CYP4F12: variants seen among roughly 807,000 people sequenced by gnomAD.
CYP4F12 encodes the protein cytochrome P450 family 4 subfamily F member 12, also known as cytochrome P450 4F12.
Under a neutral mutation model 56.5 loss-of-function variants are expected in CYP4F12, and 60 were observed. That is an observed-to-expected ratio of 1.06 (90% CI 0.86 to 1.32). The LOEUF (loss-of-function observed/expected upper bound fraction) is 1.32, where lower values mean the gene tolerates loss of function less well. Ranked by LOEUF, CYP4F12 falls within the 40% of genes most tolerant of loss-of-function variation. The pLI, the probability that CYP4F12 is intolerant of heterozygous loss-of-function variation, is 0.00. For synonymous variants in CYP4F12, 263 were observed against 264.9 expected, an observed-to-expected ratio of 0.99 and a Z score of 0.07; for missense variants, 711 against 683.5, an observed-to-expected ratio of 1.04 and a Z score of -0.45.
chr19:15,693,792 G>A (rs1299524460), intron 9 of CYP4F12, among the ~76,000 whole-genome samples: 2 of 148,278 alleles, frequency 1.3e-5, no homozygotes, highest in African/African-American at 5.1e-5. Context: ...GTAATGCCTC[G>A]GTTTTCTTCT....
chr19:15,676,353 CAACTCACTCATTCCTCTCCT>C (rs1172856271), intron 2 of CYP4F12, among the ~76,000 whole-genome samples: 2 of 79,210 alleles, frequency 2.5e-5, no homozygotes, highest in African/African-American at 8.6e-5. Context: ...ATTCTAATAC[CAACTCACTCATTCCTCTCCT>C]CACTCACTCA....
chr19:15,685,790 T>G (rs2007572642), intron 9 of CYP4F12, among the ~76,000 whole-genome samples: 1 of 152,234 alleles, frequency 6.6e-6, no homozygotes, highest in Non-Finnish European at 1.5e-5. Context: ...AATTATCATA[T>G]TTTTTTCAAA....
intron 12 of CYP4F12, 91 bp downstream of exon 12, chr19:15,696,603 C>T (rs1034183700): frequency 3.6e-6 from 5 of 1,404,976 alleles, no homozygotes; most frequent in Admixed American, 2.1e-5. Flanking sequence ...AGTTCCAGCT[C>T]TCCTTCCCTC....
At chr19:15,691,593 A>G (rs1381576607) in intron 9 of CYP4F12, among the ~76,000 whole-genome samples, 1 of 152,050 alleles carries the variant, frequency 6.6e-6, no homozygotes, top group Non-Finnish European at 1.5e-5. Flanking sequence ...TTGATAAGCC[A>G]TTTATTTTCT....
At chr19:15,680,139 A>C in intron 3 of CYP4F12, 105 bp from the exon 4 acceptor site, 1 of 1,445,124 alleles carries the variant, frequency 6.9e-7, no homozygotes, top group Non-Finnish European at 9.4e-7. Context: ...CCTTCCTGCT[A>C]TGCTGGGCAT....
At chr19:15,696,337 A>G (rs1305504245) in intron 11 of CYP4F12, 93 bp from the exon 12 acceptor site, 1 of 1,608,576 alleles carries the variant, frequency 6.2e-7, no homozygotes, top group African/African-American at 1.3e-5. Context: ...GGAAAATCCA[A>G]CATCACCTCA....
intron 5 of CYP4F12, 61 bp downstream of exon 5, chr19:15,680,580 T>A: frequency 1.2e-6 from 2 of 1,612,594 alleles, no homozygotes; most frequent in Non-Finnish European, 1.7e-6. Context: ...CATGGACACA[T>A]CTGGTCTGGA....
chr19:15,677,674 T>C (rs1040283950), intron 2 of CYP4F12, among the ~76,000 whole-genome samples: 4 of 1,620 alleles, frequency 2.5e-3, no homozygotes, highest in African/African-American at 5.0e-3. Flanking sequence ...ATTCCTCTCC[T>C]CACTCACTCA....
In CYP4F12 at chr19:15,683,655, C is replaced by A. The variant is rs375485034; in HGVS notation, c.810C>A (p.Val270=). 7.4e-6 allele frequency: 12 copies of A among 1,613,876 alleles called. No individual in the cohort carries two copies. Among genetic ancestry groups the A allele is most frequent in the Non-Finnish European group, 1.0e-5 (12 of 1,179,954 alleles). The change falls in exon 7 of 13, where the codon GTC becomes GTA. Residue 270 remains valine (V), a synonymous_variant. Coordinates refer to ENST00000550308, the MANE Select transcript of CYP4F12 (RefSeq NM_023944.4). ...CRLVHDFTDA[V]IRERRRTLPT... is the part of the protein sequence containing the mutation. Reference sequence around the variant, plus strand: ...TGGTGCATGACTTCACAGACGCTGTCATCCGGGAGCGGCGTCGCACCCTCC... The same window carrying A: ...TGGTGCATGACTTCACAGACGCTGTAATCCGGGAGCGGCGTCGCACCCTCC...
At chr19:15,693,786 T>C (rs1439497986) in intron 9 of CYP4F12, among the ~76,000 whole-genome samples, 4 of 148,846 alleles carry the variant, frequency 2.7e-5, no homozygotes, top group Non-Finnish European at 4.5e-5. Context: ...TGAATGGTAA[T>C]GCCTCGGTTT....
chr19:15,683,661 G>T lies in CYP4F12; in HGVS notation c.816G>T (p.Arg272=). ...ATGACTTCACAGACGCTGTCATCCG[G>T]GAGCGGCGTCGCACCCTCCCCACTC... is the stretch of plus-strand genomic sequence containing the variant. The part of the protein sequence containing the change: ...LVHDFTDAVI[R]ERRRTLPTQG... Residue 272 remains arginine, a synonymous_variant, in exon 7 of 13, where the codon CGG becomes CGT. Transcript: ENST00000550308. The T allele has an allele frequency of 2.5e-6, 4 of 1,613,848 alleles. No homozygotes were observed. Among genetic ancestry groups the T allele is most frequent in the Non-Finnish European group, 3.4e-6 (4 of 1,179,886 alleles).
intron 9 of CYP4F12, among the ~76,000 whole-genome samples, chr19:15,695,339 T>G (rs1344484912): frequency 8.8e-6 from 1 of 113,118 alleles, no homozygotes; most frequent in Non-Finnish European, 1.7e-5. Flanking sequence ...AACATCACAC[T>G]CTGGGGACTG....
At chr19:15,691,798 G>T (rs2007884041) in intron 9 of CYP4F12, among the ~76,000 whole-genome samples, 1 of 150,736 alleles carries the variant, frequency 6.6e-6, no homozygotes. Context: ...ATTTTCTTTT[G>T]TACCACACTA....
intron 5 of CYP4F12, 105 bp downstream of exon 5, chr19:15,680,624 C>G: frequency 7.0e-7 from 1 of 1,419,644 alleles, no homozygotes; most frequent in South Asian, 1.2e-5. Flanking sequence ...TGGGCCATTG[C>G]TCTTCCTCTC....
At position 15,696,949 on chromosome 19, in the gene CYP4F12, T is replaced by C. The variant is rs761770523; in HGVS notation, c.1439T>C (p.Val480Ala). 1.3e-5 allele frequency: 21 copies of C among 1,613,978 alleles called. No individual in the cohort carries two copies. The Admixed American group carries it at 1.7e-4, about 13-fold the overall frequency. The change falls in exon 13 of 13, where the codon GTG becomes GCG. Residue 480 changes from valine (V) to alanine (A), a missense_variant. Val to Ala is a moderately conservative substitution (Grantham distance 64). Coordinates refer to ENST00000550308, the MANE Select transcript of CYP4F12 (RefSeq NM_023944.4). Reference protein sequence around the residue: ...GQAFAMAEMKVVLALMLLHFR... With the variant: ...GQAFAMAEMKAVLALMLLHFR... ...GCGTTCGCCATGGCGGAGATGAAAG[T>C]GGTCCTGGCGTTGATGCTGCTGCAC...
At chr19:15,683,825 G>T in intron 7 of CYP4F12, 62 bp downstream of exon 7, 1 of 1,485,908 alleles carries the variant, frequency 6.7e-7, no homozygotes, top group South Asian at 1.5e-5. Context: ...AATGTCAGGT[G>T]AAATAAATTG....
intron 2 of CYP4F12, among the ~76,000 whole-genome samples, chr19:15,677,560 ACTCGTTCCTCTCCTCACTCG>A (rs1228537424): frequency 0.11 from 3,839 of 35,990 alleles, 1,324 homozygotes; most frequent in East Asian, 0.12. Context: ...CTCCTCACTC[ACTCGTTCCTCTCCTCACTCG>A]CTCATTCCTC....
intron 2 of CYP4F12, 44 bp downstream of exon 2, chr19:15,673,771 G>T: frequency 1.9e-6 from 3 of 1,603,906 alleles, no homozygotes; most frequent in Non-Finnish European, 2.6e-6. Flanking sequence ...AGGGTGGATG[G>T]ACTTCCAGAG....
chr19:15,683,364 T>C (rs1344225265), intron 6 of CYP4F12, 129 bp from the exon 7 acceptor site: 1 of 962,400 alleles, frequency 1.0e-6, no homozygotes, highest in Middle Eastern at 2.5e-4. Flanking sequence ...CCACCATGTA[T>C]CTCTAGGACC....
Sources: allele counts gnomAD v4.1 joint callset (sites outside exome capture counted in the v4.1 genomes callset), GRCh38; gene constraint gnomAD v4.1.1; transcripts MANE v1.5; gene names NCBI Gene and HGNC (gene_info 2026-07-23, HGNC 2026-07-21).